The following CEBPB variants were observed in gnomAD, a reference collection of about 807,000 sequenced individuals.
The protein encoded by CEBPB is CCAAT/enhancer-binding protein beta.
For synonymous variants in CEBPB, 295 were observed against 267.1 expected, an observed-to-expected ratio of 1.10 and a Z score of -1.02; for missense variants, 498 against 533.1, an observed-to-expected ratio of 0.93 and a Z score of 0.65.
At position 50,192,306 on chromosome 20, in the gene CEBPB, A is replaced by G. The variant is rs1173057726; in HGVS notation, c.*235A>G. ...TCCCGCCCGTGGTGTTATTTAAAGA[A>G]GAAACGTCTATGTGTACAGATGAAT... is the stretch of plus-strand genomic sequence containing the variant. On this transcript the variant is annotated 3_prime_UTR_variant, in exon 1 of 1. Coordinates refer to ENST00000303004, the MANE Select transcript of CEBPB (RefSeq NM_005194.4). 5.2e-6 allele frequency: 1 copy of G among 191,748 alleles called. No homozygotes were observed. Among genetic ancestry groups the G allele is most frequent in the East Asian group, 1.6e-4 (1 of 6,378 alleles). 11.9% of individuals were successfully genotyped at this position (191,748 alleles called of 1,614,324 possible).
Position 50,190,925 on chromosome 20 carries a change from G to A in CEBPB, c.-109G>A, listed in dbSNP as rs961740480. On this transcript the variant is annotated 5_prime_UTR_variant, in exon 1 of 1. Coordinates refer to ENST00000303004, the MANE Select transcript of CEBPB (RefSeq NM_005194.4). ...AATAGCGGCCACCCCGGCAGCGGCG[G>A]CAGCAGCAGCAGCGACGCAGCGGCG... 2.4e-6 allele frequency: 3 copies of A among 1,275,128 alleles called. No homozygotes were observed. The highest frequency in any genetic ancestry group is 3.0e-6 in the Non-Finnish European group (3 of 1,002,838). The allele number at this position is 1,275,128 out of a possible 1,614,324, so 79.0% of individuals were successfully genotyped here.
In CEBPB at chr20:50,191,926, A is replaced by C. The variant is rs1179622728; in HGVS notation, c.893A>C (p.Glu298Ala). Residue 298 changes from glutamate to alanine, a missense_variant, in exon 1 of 1, where the codon GAG becomes GCG. Coordinates refer to ENST00000303004, the MANE Select transcript of CEBPB (RefSeq NM_005194.4). ...GACAAGGCCAAGATGCGCAACCTGG[A>C]GACGCAGCACAAGGTCCTGGAGCTC... ...SRDKAKMRNL[E>A]TQHKVLELTA... 1.9e-6 allele frequency: 3 copies of C among 1,612,920 alleles called. No individual in the cohort carries two copies. The highest frequency in any genetic ancestry group is 1.7e-6 in the Non-Finnish European group (2 of 1,179,688).
chr20:50,191,830 C>G lies in CEBPB; in HGVS notation c.797C>G (p.Thr266Ser). The change falls in exon 1 of 1, where the codon ACC (threonine) becomes AGC (serine). Residue 266 changes from threonine (T) to serine (S), a missense_variant. By Grantham distance (58) the Thr-to-Ser change is moderately conservative. Transcript: ENST00000303004. Reference protein sequence around the residue: ...PSQVKSKAKKTVDKHSDEYKI... With the variant: ...PSQVKSKAKKSVDKHSDEYKI... Reference sequence around the variant, plus strand: ...CAGGTCAAGAGCAAGGCCAAGAAGACCGTGGACAAGCACAGCGACGAGTAC... The same window carrying G: ...CAGGTCAAGAGCAAGGCCAAGAAGAGCGTGGACAAGCACAGCGACGAGTAC... The G allele has an allele frequency of 6.3e-7, 1 of 1,596,594 alleles. No individual in the cohort carries two copies. Among genetic ancestry groups the G allele is most frequent in the Non-Finnish European group, 8.5e-7 (1 of 1,172,286 alleles).
chr20:50,192,041 G>GC lies in CEBPB; in HGVS notation c.1012dup (p.Leu338ProfsTer123). On this transcript the variant is annotated frameshift_variant, in exon 1 of 1. Transcript: ENST00000303004. LOFTEE classifies it low-confidence loss of function (END_TRUNC). ...GGAACTTGTTCAAGCAGCTGCCCGA[G>GC]CCCCTGCTCGCCTCCTCCGGCCACT... 1 of 1,588,774 alleles carries GC rather than the reference G, an allele frequency of 6.3e-7. No individual in the cohort carries two copies. Among genetic ancestry groups the GC allele is most frequent in the Non-Finnish European group, 8.5e-7 (1 of 1,170,006 alleles).
At position 50,191,202 on chromosome 20, in the gene CEBPB, CG is replaced by C; in HGVS notation, c.170del (p.Arg57ProfsTer84). On this transcript the variant is annotated frameshift_variant, in exon 1 of 1. Coordinates refer to ENST00000303004, the MANE Select transcript of CEBPB (RefSeq NM_005194.4). LOFTEE classifies it low-confidence loss of function (END_TRUNC). ...GCCCCCCGCGGCCAGACCCGGGCCG[CG>C]CCCCCCCGCCGGCGAGCTGGGCAGC... Reference protein sequence around the residue: ...AAPPAARPGPRPPAGELGSIG... With the variant: ...AAPPAARPGPXPPAGELGSIG... 1 of 1,302,434 alleles carries C rather than the reference CG, an allele frequency of 7.7e-7. No homozygotes were observed. The allele number at this position is 1,302,434 out of a possible 1,614,324, so 80.7% of individuals were successfully genotyped here.
rs752166221 is a variant in CEBPB at position 50,191,525 on chromosome 20, CCCGCCG to C, written c.504_509del (p.Pro169_Pro170del). 7.4e-5 allele frequency: 97 copies of C among 1,310,938 alleles called. 2 individuals carry two copies. Among genetic ancestry groups the C allele is most frequent in the Middle Eastern group, 5.1e-4 (2 of 3,888 alleles). The allele number at this position is 1,310,938 out of a possible 1,614,324, so 81.2% of individuals were successfully genotyped here. A position where few individuals can be genotyped will look rare whatever the true frequency, so the allele number is the denominator to read the frequency against. On this transcript the variant is annotated inframe_deletion, in exon 1 of 1. Transcript: ENST00000303004. ...GCTTCGCGCCCCTGCACCCACCGCC[CCCGCCG>C]CCGCCGCCGCCCGCCGAGCTCAAGG...
chr20:50,191,597 G>A lies in CEBPB; in HGVS notation c.564G>A (p.Glu188=). The stretch of plus-strand genomic sequence containing the variant: ...AGCCCGCGGACTGCAAGCGGAAGGA[G>A]GAGGCCGGGGCGCCGGGCGGCGGCG... The part of the protein sequence containing the change: ...GFEPADCKRK[E]EAGAPGGGAG... The change falls in exon 1 of 1, where the codon GAG becomes GAA. Residue 188 remains glutamate, a synonymous_variant. Coordinates refer to ENST00000303004, the MANE Select transcript of CEBPB (RefSeq NM_005194.4). 3 of 1,349,362 alleles carry A rather than the reference G, an allele frequency of 2.2e-6. No individual in the cohort carries two copies. Among genetic ancestry groups the A allele is most frequent in the East Asian group, 3.2e-5 (1 of 31,526 alleles). 83.6% of individuals were successfully genotyped at this position (1,349,362 alleles called of 1,614,324 possible).
At chr20:50,190,658 A>G (rs1272766031), upstream of CEBPB, 2 of 159,146 alleles carry the variant, frequency 1.3e-5, no homozygotes, top group Non-Finnish European at 2.7e-5. Flanking sequence ...GCCCCCCGAA[A>G]ACGCGCTCCG....
Position 50,192,223 on chromosome 20 carries a change from T to A in CEBPB, c.*152T>A. On this transcript the variant is annotated 3_prime_UTR_variant, in exon 1 of 1. Coordinates refer to ENST00000303004, the MANE Select transcript of CEBPB (RefSeq NM_005194.4). Reference sequence around the variant, plus strand: ...GGGAGCCCGTCGGTAATTTTAATATTTTATTATATATATATATCTATATTT... The same window carrying A: ...GGGAGCCCGTCGGTAATTTTAATATATTATTATATATATATATCTATATTT... The A allele has an allele frequency of 2.7e-6, 1 of 367,126 alleles. No homozygotes were observed. 22.7% of individuals were successfully genotyped at this position (367,126 alleles called of 1,614,324 possible).
rs2081575963 is a variant in CEBPB at position 50,191,378 on chromosome 20, C to T, written c.345C>T (p.His115=). ...APAPASSGQH[H]DFLSDLFSDD... ...CGCCCGCCTCCTCCGGGCAGCACCA[C>T]GACTTCCTCTCCGACCTCTTCTCCG... The change falls in exon 1 of 1, where the codon CAC becomes CAT. Residue 115 remains histidine (H), a synonymous_variant. Coordinates refer to ENST00000303004, the MANE Select transcript of CEBPB (RefSeq NM_005194.4). 2.0e-6 allele frequency: 3 copies of T among 1,494,778 alleles called. No individual in the cohort carries two copies. The highest frequency in any genetic ancestry group is 1.8e-6 in the Non-Finnish European group (2 of 1,117,680). The allele number at this position is 1,494,778 out of a possible 1,614,324, so 92.6% of individuals were successfully genotyped here. A position where few individuals can be genotyped will look rare whatever the true frequency, so the allele number is the denominator to read the frequency against.
chr20:50,190,895 TC>T lies in CEBPB; in HGVS notation c.-138del. ...CCCGAGGGTCCAGCCACCAGCCCCC[TC>T]ACTAATAGCGGCCACCCCGGCAGCG... On this transcript the variant is annotated 5_prime_UTR_variant, in exon 1 of 1. Transcript: ENST00000303004. 8.9e-7 allele frequency: 1 copy of T among 1,129,300 alleles called. No individual in the cohort carries two copies. Among genetic ancestry groups the T allele is most frequent in the Non-Finnish European group, 1.2e-6 (1 of 868,944 alleles). The allele number at this position is 1,129,300 out of a possible 1,614,324, so 70.0% of individuals were successfully genotyped here. A position where few individuals can be genotyped will look rare whatever the true frequency, so the allele number is the denominator to read the frequency against.
In CEBPB at chr20:50,192,554, G is replaced by A. The variant is rs1049257009; in HGVS notation, c.*483G>A. 1.2e-5 allele frequency: 2 copies of A among 166,546 alleles called. No individual in the cohort carries two copies. The highest frequency in any genetic ancestry group is 4.8e-5 in the African/African-American group (2 of 41,300). 10.3% of individuals were successfully genotyped at this position (166,546 alleles called of 1,614,324 possible). On this transcript the variant is annotated 3_prime_UTR_variant, in exon 1 of 1. Transcript: ENST00000303004. ...TTGTTTTGTTTTTTGGTCTTTTTTT[G>A]TATTATAAAAAATAATCTATTTCTA...
Position 50,192,106 on chromosome 20 carries a change from G to T in CEBPB, c.*35G>T. ...CGCGCGCGTCCCCCTGCCGGCCGGG[G>T]CTGAGACTCCGGGGAGCGCCCGCGC... On this transcript the variant is annotated 3_prime_UTR_variant, in exon 1 of 1. Transcript: ENST00000303004. The T allele has an allele frequency of 2.8e-6, 4 of 1,453,748 alleles. No individual in the cohort carries two copies. Among genetic ancestry groups the T allele is most frequent in the Non-Finnish European group, 3.6e-6 (4 of 1,102,714 alleles). The allele number at this position is 1,453,748 out of a possible 1,614,324, so 90.1% of individuals were successfully genotyped here.
In CEBPB at chr20:50,190,936, AGCGACGCAGCG is replaced by A. The variant is rs1223803575; in HGVS notation, c.-92_-82del. 1.5e-6 allele frequency: 2 copies of A among 1,320,348 alleles called. No homozygotes were observed. Among genetic ancestry groups the A allele is most frequent in the Non-Finnish European group, 1.9e-6 (2 of 1,040,114 alleles). The allele number at this position is 1,320,348 out of a possible 1,614,324, so 81.8% of individuals were successfully genotyped here. A position where few individuals can be genotyped will look rare whatever the true frequency, so the allele number is the denominator to read the frequency against. On this transcript the variant is annotated 5_prime_UTR_variant, in exon 1 of 1. Coordinates refer to ENST00000303004, the MANE Select transcript of CEBPB (RefSeq NM_005194.4). ...CCCCGGCAGCGGCGGCAGCAGCAGC[AGCGACGCAGCG>A]GCGACAGCTCAGAGCAGGGAGGCCG...
Position 50,191,562 on chromosome 20 carries a change from C to A in CEBPB, c.529C>A (p.Pro177Thr), listed in dbSNP as rs1568673871. 1.5e-6 allele frequency: 2 copies of A among 1,338,838 alleles called. No homozygotes were observed. The highest frequency in any genetic ancestry group is 1.9e-6 in the Non-Finnish European group (2 of 1,051,994). 82.9% of individuals were successfully genotyped at this position (1,338,838 alleles called of 1,614,324 possible). Reference sequence around the variant, plus strand: ...GCCGCCCGCCGAGCTCAAGGCGGAGCCGGGCTTCGAGCCCGCGGACTGCAA... The same window carrying A: ...GCCGCCCGCCGAGCTCAAGGCGGAGACGGGCTTCGAGCCCGCGGACTGCAA... ...PPPPAELKAEPGFEPADCKRK... is the reference protein window; with the variant it reads ...PPPPAELKAETGFEPADCKRK... The change falls in exon 1 of 1, where the codon CCG becomes ACG. Residue 177 changes from proline to threonine, a missense_variant. Pro to Thr is a conservative substitution (Grantham distance 38, BLOSUM62 -1). Coordinates refer to ENST00000303004, the MANE Select transcript of CEBPB (RefSeq NM_005194.4).
Position 50,192,039 on chromosome 20 carries a change from G to T in CEBPB, c.1006G>T (p.Glu336Ter). ...TLRNLFKQLPEPLLASSGHC is the reference protein window; with the variant it reads ...TLRNLFKQLP ...GCGGAACTTGTTCAAGCAGCTGCCC[G>T]AGCCCCTGCTCGCCTCCTCCGGCCA... is the stretch of plus-strand genomic sequence containing the variant. The change falls in exon 1 of 1, where the codon GAG (glutamate) becomes TAG (stop). Residue 336 changes from glutamate to a stop codon, truncating the protein, a stop_gained. Transcript: ENST00000303004. LOFTEE classifies it low-confidence loss of function (END_TRUNC). 1 of 1,592,746 alleles carries T rather than the reference G, an allele frequency of 6.3e-7. No individual in the cohort carries two copies.
Position 50,191,158 on chromosome 20 carries a change from G to T in CEBPB, c.125G>T (p.Gly42Val), listed in dbSNP as rs200084272. 6.7e-7 allele frequency: 1 copy of T among 1,493,950 alleles called. No homozygotes were observed. The allele number at this position is 1,493,950 out of a possible 1,614,324, so 92.5% of individuals were successfully genotyped here. A position where few individuals can be genotyped will look rare whatever the true frequency, so the allele number is the denominator to read the frequency against. The stretch of plus-strand genomic sequence containing the variant: ...GACTGCTTGGCTGCTGCGTACGGCG[G>T]CAAGGCGGCCCCCGCGGCGCCCCCC... ...EADCLAAAYGGKAAPAAPPAA... is the reference protein window; with the variant it reads ...EADCLAAAYGVKAAPAAPPAA... The change falls in exon 1 of 1, where the codon GGC (glycine) becomes GTC (valine). Residue 42 changes from glycine (G) to valine (V), a missense_variant. Gly to Val is a moderately radical substitution (Grantham distance 109, BLOSUM62 -3). Transcript: ENST00000303004.
At position 50,190,913 on chromosome 20, in the gene CEBPB, C is replaced by G. The variant is rs1010092876; in HGVS notation, c.-121C>G. 1 of 1,262,160 alleles carries G rather than the reference C, an allele frequency of 7.9e-7. No individual in the cohort carries two copies. Among genetic ancestry groups the G allele is most frequent in the African/African-American group, 1.6e-5 (1 of 63,082 alleles). The allele number at this position is 1,262,160 out of a possible 1,614,324, so 78.2% of individuals were successfully genotyped here. A position where few individuals can be genotyped will look rare whatever the true frequency, so the allele number is the denominator to read the frequency against. On this transcript the variant is annotated 5_prime_UTR_variant, in exon 1 of 1. Coordinates refer to ENST00000303004, the MANE Select transcript of CEBPB (RefSeq NM_005194.4). ...AGCCCCCTCACTAATAGCGGCCACCCCGGCAGCGGCGGCAGCAGCAGCAGC... is the reference window on the plus strand; with the variant it reads ...AGCCCCCTCACTAATAGCGGCCACCGCGGCAGCGGCGGCAGCAGCAGCAGC...
At chr20:50,190,786 G>C (rs1409911607), upstream of CEBPB, 1 of 355,688 alleles carries the variant, frequency 2.8e-6, no homozygotes, top group East Asian at 4.3e-5. Flanking sequence ...CGCAGCGGTT[G>C]CTACGGGCCG....
Sources: gnomAD v4.1 joint callset for allele counts on GRCh38, gnomAD v4.1.1 for gene constraint, MANE v1.5 for transcripts, NCBI Gene and HGNC (gene_info 2026-07-23, HGNC 2026-07-21) for gene names.